Variants in NCOR2 observed in about 807,000 individuals in gnomAD.
NCOR2 encodes the protein nuclear receptor corepressor 2.
Under a neutral mutation model 262.9 loss-of-function variants are expected in NCOR2, and 81 were observed. The ratio of observed to expected loss-of-function variants is 0.31; its 90% CI spans 0.26 to 0.37. The LOEUF is 0.37. Among genes scored for constraint, NCOR2 ranks in the 10% least tolerant of loss-of-function variants. NCOR2 has a pLI of 1.00. For missense variants in NCOR2, 3,385 were observed against 3,621.4 expected, an observed-to-expected ratio of 0.93 and a Z score of 1.68; for synonymous variants, 1,659 against 1,559.3, an observed-to-expected ratio of 1.06 and a Z score of -1.51.
intron 17 of NCOR2, among the ~76,000 whole-genome samples, chr12:124,384,053 G>T (rs1490022892): frequency 1.3e-5 from 2 of 152,154 alleles, no homozygotes; most frequent in Non-Finnish European, 2.9e-5. Context: ...GCGGGGGGAG[G>T]AGAGAGAAAG....
intron 7 of NCOR2, among the ~76,000 whole-genome samples, chr12:124,446,481 G>C (rs1277972368): frequency 6.6e-6 from 1 of 151,756 alleles, no homozygotes; most frequent in Non-Finnish European, 1.5e-5. Context: ...CTACCTCCTT[G>C]GGCCATGCCA....
chr12:124,350,310 C>T (rs2037341966), intron 28 of NCOR2, among the ~76,000 whole-genome samples: 1 of 151,898 alleles, frequency 6.6e-6, no homozygotes, highest in Non-Finnish European at 1.5e-5. Context: ...GGCGTGAGCT[C>T]GGGCTTCTGT....
exon 37 of NCOR2, chr12:124,340,128 G>C (rs534729196): frequency 6.2e-7 from 1 of 1,612,040 alleles, no homozygotes; most frequent in African/African-American, 1.3e-5. Flanking sequence ...GCGAGTGCTG[G>C]TGGGCATGGG....
At chr12:124,334,028 G>GTGTGTGCGCGCATGTGT (rs1593094229) in intron 41 of NCOR2, among the ~76,000 whole-genome samples, 14 of 150,188 alleles carry the variant, frequency 9.3e-5, no homozygotes, top group South Asian at 2.1e-4. Context: ...GTGCATGTGT[G>GTGTGTGCGCGCATGTGT]GAAAGGCTGC....
chr12:124,356,219 C>T (rs999031494), intron 23 of NCOR2, among the ~76,000 whole-genome samples: 8 of 152,240 alleles, frequency 5.3e-5, no homozygotes, highest in Admixed American at 3.3e-4. Flanking sequence ...TACCAGCCCC[C>T]GGCTGTGCTG....
upstream of NCOR2, among the ~76,000 whole-genome samples, chr12:124,540,106 TCA>T (rs61168320): frequency 1.3e-5 from 2 of 150,612 alleles, no homozygotes; most frequent in East Asian, 2.0e-4. Context: ...GGGGCCAAGG[TCA>T]CACACACACA....
chr12:124,363,607 A>C, intron 21 of NCOR2, 72 bp downstream of exon 23: 1 of 1,278,520 alleles, frequency 7.8e-7, no homozygotes, highest in Non-Finnish European at 1.0e-6. Context: ...CGCCCGTGGG[A>C]TTCTCTGTCT....
In NCOR2 at chr12:124,389,566, G is replaced by A. The variant is rs2041119842; in HGVS notation, c.1877-3679C>T. ...CTTCCGCCATCATCCCCCGCCGCCC[G>A]TCCCCCCACCCTCCGTGTCAGTTCC... On this transcript the variant is annotated intron_variant, in intron 16 of 46. Transcript: ENST00000405201. This position sits in a 1 kb window ranked among gnomAD's most constrained non-coding sequence, Gnocchi z 4.4. 1.4e-5 allele frequency among the ~76,000 whole-genome samples: 2 copies of A among 144,426 alleles called. No homozygotes were observed. The highest frequency in any genetic ancestry group is 1.5e-5 in the Non-Finnish European group (1 of 66,072). 94.7% of individuals were successfully genotyped at this position (144,426 alleles called of 152,430 possible).
intron 45 of NCOR2, 24 bp from the exon 48 acceptor site, chr12:124,326,394 G>T (rs773749418): frequency 6.8e-7 from 1 of 1,472,912 alleles, no homozygotes; most frequent in Non-Finnish European, 8.9e-7. Context: ...AGATGGGAAG[G>T]GGCTGCGTTG....
intron 44 of NCOR2, chr12:124,328,902 C>T (rs1487152246): frequency 3.6e-6 from 1 of 277,492 alleles, no homozygotes; most frequent in Non-Finnish European, 7.2e-6. Flanking sequence ...GATGCTCACA[C>T]CTTTTCTGCT....
rs1312568890 is a variant in NCOR2, at chr12:124,517,682, T to C, written c.-118+17883A>G. 6.6e-6 allele frequency among the ~76,000 whole-genome samples: 1 copy of C among 152,124 alleles called. No individual in the cohort carries two copies. The highest frequency in any genetic ancestry group is 6.5e-5 in the Admixed American group (1 of 15,284). ...CCCCCTGAGCCCCCAAGGCTCGCCATGCTCCCCCCCAGGGACGCCGGATGT... is the reference window on the plus strand; with the variant it reads ...CCCCCTGAGCCCCCAAGGCTCGCCACGCTCCCCCCCAGGGACGCCGGATGT... On this transcript the variant is annotated intron_variant, in intron 1 of 46. Transcript: ENST00000404621. The surrounding 1 kb of genome is among the most constrained non-coding windows in gnomAD (Gnocchi z 7.6).
intron 1 of NCOR2, among the ~76,000 whole-genome samples, chr12:124,547,672 C>G (rs1347349094): frequency 6.6e-6 from 1 of 152,148 alleles, no homozygotes; most frequent in Non-Finnish European, 1.5e-5. Context: ...TCCCCAGGTC[C>G]CCTCCTTCCA....
At chr12:124,337,607 G>C (rs894314017) in intron 37 of NCOR2, among the ~76,000 whole-genome samples, 2 of 152,308 alleles carry the variant, frequency 1.3e-5, no homozygotes, top group African/African-American at 2.4e-5. Flanking sequence ...AGGGCTAGGA[G>C]GTCTTCAGGG....
intron 37 of NCOR2, 65 bp from the exon 40 acceptor site, chr12:124,337,245 T>C (rs1384027631): frequency 1.3e-6 from 2 of 1,504,680 alleles, no homozygotes; most frequent in Non-Finnish European, 1.8e-6. Flanking sequence ...CCACCCTCGA[T>C]GAGTCCCCAT....
In NCOR2 at chr12:124,483,543, A is replaced by G; in HGVS notation, c.411+53T>C. On this transcript the variant is annotated intron_variant, in intron 3 of 46. Coordinates refer to ENST00000405201, the Ensembl canonical transcript of NCOR2. The surrounding 1 kb of genome is among the most constrained non-coding windows in gnomAD (Gnocchi z 6.3). ...CCACCACCTCCCACCCAGCCCAACC[A>G]GCAGCAGAACCTCAAGCGGGAGAGG... The G allele has an allele frequency of 7.0e-7, 1 of 1,422,504 alleles. No homozygotes were observed. Among genetic ancestry groups the G allele is most frequent in the Non-Finnish European group, 9.3e-7 (1 of 1,074,542 alleles). 88.1% of individuals were successfully genotyped at this position (1,422,504 alleles called of 1,614,324 possible). A position where few individuals can be genotyped will look rare whatever the true frequency, so the allele number is the denominator to read the frequency against.
chr12:124,525,360 A>G (rs1377019648), intron 1 of NCOR2, among the ~76,000 whole-genome samples: 2 of 152,182 alleles, frequency 1.3e-5, no homozygotes, highest in African/African-American at 4.8e-5. Context: ...CCGAAACTGA[A>G]GTCATCCCTA....
At chr12:124,338,727 C>T (rs1566362145) in intron 37 of NCOR2, among the ~76,000 whole-genome samples, 1 of 152,078 alleles carries the variant, frequency 6.6e-6, no homozygotes, top group South Asian at 2.1e-4. Flanking sequence ...AAAGTCTTTC[C>T]TCACAGTCCC....
chr12:124,361,671 C>A (rs1415142086), intron 22 of NCOR2, among the ~76,000 whole-genome samples: 1 of 152,190 alleles, frequency 6.6e-6, no homozygotes, highest in African/African-American at 2.4e-5. Context: ...CTGCTGCCAG[C>A]CGGGTGCTGG....
intron 3 of NCOR2, among the ~76,000 whole-genome samples, chr12:124,479,351 C>G (rs369091927): frequency 2.6e-5 from 4 of 151,882 alleles, no homozygotes; most frequent in Non-Finnish European, 5.9e-5. Flanking sequence ...CACATACACA[C>G]GTGCAACACA....
Sources: allele counts gnomAD v4.1 joint callset (sites outside exome capture counted in the v4.1 genomes callset), GRCh38; gene constraint gnomAD v4.1.1; non-coding constraint Gnocchi (gnomAD v3.1); transcripts MANE v1.5; gene names NCBI Gene and HGNC (gene_info 2026-07-23, HGNC 2026-07-21).